The following RANBP2 variants were observed in gnomAD, a reference collection of about 807,000 sequenced individuals.
The protein encoded by RANBP2 is RAN binding protein 2.
A neutral mutation model predicts 303.6 loss-of-function variants in RANBP2; 57 were observed. That is an observed-to-expected ratio of 0.19 (90% CI 0.15 to 0.23). The LOEUF (loss-of-function observed/expected upper bound fraction) is 0.23. RANBP2 is among the 10% of genes least tolerant of loss of function. The pLI, the probability that RANBP2 is intolerant of heterozygous loss-of-function variation, is 1.00. For synonymous variants in RANBP2, 1,167 were observed against 1,301.5 expected (o/e 0.90, Z 2.23); for missense variants, 3,138 against 3,780.8 (o/e 0.83, Z 4.46).
the RANBP2 span, among the ~76,000 whole-genome samples, chr2:108,980,696 G>A: frequency 6.6e-6 from 1 of 152,132 alleles, no homozygotes; most frequent in Non-Finnish European, 1.5e-5. Flanking sequence ...TGAAGGGAAT[G>A]AGCAAGACAC....
chr2:108,970,144 C>T, the RANBP2 span, among the ~76,000 whole-genome samples: 6 of 152,126 alleles, frequency 3.9e-5, no homozygotes, highest in African/African-American at 1.4e-4. Flanking sequence ...GAGCTTTGCA[C>T]TGAGAGGGGA....
the RANBP2 span, among the ~76,000 whole-genome samples, chr2:109,391,161 T>C: frequency 6.3e-3 from 964 of 152,374 alleles, 12 homozygotes; most frequent in African/African-American, 0.022. Flanking sequence ...AAGCCTTGCC[T>C]GTACTCAGGC....
chr2:109,218,944 G>A, the RANBP2 span, among the ~76,000 whole-genome samples: 1 of 152,216 alleles, frequency 6.6e-6, no homozygotes, highest in Non-Finnish European at 1.5e-5. Flanking sequence ...GACCAGGCTT[G>A]TAGAGGGGTG....
the RANBP2 span, among the ~76,000 whole-genome samples, chr2:109,372,733 C>T: frequency 6.6e-6 from 1 of 152,194 alleles, no homozygotes; most frequent in Non-Finnish European, 1.5e-5. Flanking sequence ...TGCCTCTCCA[C>T]TGTCTCTGGC....
At chr2:108,865,944 T>G in the RANBP2 span, among the ~76,000 whole-genome samples, 7 of 152,220 alleles carry the variant, frequency 4.6e-5, no homozygotes, top group South Asian at 1.5e-3. Context: ...TAGAAAACTT[T>G]GGACATTAGA....
the RANBP2 span, among the ~76,000 whole-genome samples, chr2:109,603,025 T>G: frequency 6.6e-6 from 1 of 150,708 alleles, no homozygotes; most frequent in Non-Finnish European, 1.5e-5. Flanking sequence ...AAGCTGTGAC[T>G]GCACCACTGT....
chr2:108,788,575 C>T (rs957715199), downstream of RANBP2, among the ~76,000 whole-genome samples: 2 of 151,802 alleles, frequency 1.3e-5, no homozygotes, highest in African/African-American at 4.8e-5. Context: ...AAAAAATTAG[C>T]CGGGTGTGGT....
the RANBP2 span, among the ~76,000 whole-genome samples, chr2:109,413,536 G>A: frequency 4.6e-5 from 7 of 152,092 alleles, no homozygotes; most frequent in African/African-American, 1.7e-4. Flanking sequence ...GTCTCTCTCT[G>A]TGTCTCTGTG....
chr2:108,811,664 G>C, the RANBP2 span, among the ~76,000 whole-genome samples: 1 of 151,990 alleles, frequency 6.6e-6, no homozygotes, highest in Non-Finnish European at 1.5e-5. Context: ...TTTGTTACAT[G>C]GATATATTGT....
At chr2:108,790,077 T>C (rs537496047), downstream of RANBP2, among the ~76,000 whole-genome samples, 1 of 152,004 alleles carries the variant, frequency 6.6e-6, no homozygotes, top group East Asian at 1.9e-4. Flanking sequence ...TTTCTCTACT[T>C]AAATAAGTTA....
chr2:108,736,669 A>G (rs985742190), intron 6 of RANBP2, among the ~76,000 whole-genome samples: 2 of 152,206 alleles, frequency 1.3e-5, no homozygotes, highest in African/African-American at 4.8e-5. Flanking sequence ...GGTATTTCAG[A>G]AAATACTGTT....
At chr2:108,919,245 A>G in the RANBP2 span, among the ~76,000 whole-genome samples, 1 of 152,298 alleles carries the variant, frequency 6.6e-6, no homozygotes, top group South Asian at 2.1e-4. Context: ...AGTAGCAGAG[A>G]TTTCTCCAAA....
chr2:109,475,395 C>G, the RANBP2 span, among the ~76,000 whole-genome samples: 1 of 152,264 alleles, frequency 6.6e-6, no homozygotes, highest in African/African-American at 2.4e-5. Context: ...ACCAGTCCCC[C>G]TGCCTTCCAG....
At chr2:109,634,855 C>T in the RANBP2 span, among the ~76,000 whole-genome samples, 1 of 152,140 alleles carries the variant, frequency 6.6e-6, no homozygotes, top group African/African-American at 2.4e-5. Flanking sequence ...AATGCATGTT[C>T]ATGAAGAAAT....
At chr2:108,859,251 C>T in the RANBP2 span, among the ~76,000 whole-genome samples, 3 of 151,880 alleles carry the variant, frequency 2.0e-5, no homozygotes, top group South Asian at 4.2e-4. Flanking sequence ...AACGGGGTTG[C>T]TTTTTCTCAT....
At chr2:109,592,827 A>T in the RANBP2 span, among the ~76,000 whole-genome samples, 1 of 152,098 alleles carries the variant, frequency 6.6e-6, no homozygotes, top group Non-Finnish European at 1.5e-5. Context: ...AAATTTCCTT[A>T]ATGTCAGAAT....
At chr2:109,245,229 C>G in the RANBP2 span, among the ~76,000 whole-genome samples, 1 of 152,150 alleles carries the variant, frequency 6.6e-6, no homozygotes, top group Non-Finnish European at 1.5e-5. Context: ...CTAGGGTCAT[C>G]TTACTGGCTG....
chr2:108,799,933 A>C, the RANBP2 span, among the ~76,000 whole-genome samples: 1 of 152,124 alleles, frequency 6.6e-6, no homozygotes, highest in Non-Finnish European at 1.5e-5. Flanking sequence ...ATATTTAAAA[A>C]TTCTAAAATT....
the RANBP2 span, among the ~76,000 whole-genome samples, chr2:109,620,653 G>A: frequency 6.6e-6 from 1 of 152,054 alleles, no homozygotes; most frequent in Admixed American, 6.6e-5. Context: ...AGTGAGCTGA[G>A]ATTGTGCCAC....
Sources: gnomAD v4.1 joint callset for allele counts (sites outside exome capture counted in the v4.1 genomes callset) on GRCh38, gnomAD v4.1.1 for gene constraint, MANE v1.5 for transcripts, NCBI Gene and HGNC (gene_info 2026-07-23, HGNC 2026-07-21) for gene names.